Variants in CDC40 observed in about 807,000 individuals in gnomAD.
CDC40 encodes the protein pre-mRNA-processing factor 17.
Under a neutral mutation model 80.6 loss-of-function variants are expected in CDC40, and 27 were observed. The ratio of observed to expected loss-of-function variants is 0.33; its 90% CI spans 0.25 to 0.46. The LOEUF is 0.46. Among genes scored for constraint, CDC40 ranks in the 20% least tolerant of loss-of-function variants. The probability of loss-of-function intolerance (pLI) is 1.00; values close to 1 mark genes in which losing one functional copy is unlikely to be tolerated. For synonymous variants in CDC40, 221 were observed against 232.6 expected (o/e 0.95, Z 0.45); for missense variants, 486 against 694.1 (o/e 0.70, Z 3.37).
At chr6:110,196,658 A>G (rs1777422689) in intron 2 of CDC40, among the ~76,000 whole-genome samples, 1 of 152,186 alleles carries the variant, frequency 6.6e-6, no homozygotes, top group Non-Finnish European at 1.5e-5. Context: ...TATTAATGTT[A>G]TGATGAACTT....
intron 3 of CDC40, among the ~76,000 whole-genome samples, chr6:110,203,921 A>G (rs1336524547): frequency 6.6e-6 from 1 of 152,230 alleles, no homozygotes; most frequent in Non-Finnish European, 1.5e-5. Flanking sequence ...CCACCTACAG[A>G]AGTGGAAAAT....
At chr6:110,224,332 G>A (rs1291485428) in intron 12 of CDC40, 2 of 151,962 alleles carry the variant, frequency 1.3e-5, no homozygotes, top group Non-Finnish European at 2.9e-5. Flanking sequence ...TGAGTTACTA[G>A]CTTATTATAC....
intron 3 of CDC40, among the ~76,000 whole-genome samples, chr6:110,207,273 C>A (rs1777575453): frequency 1.3e-5 from 2 of 148,798 alleles, no homozygotes; most frequent in South Asian, 2.1e-4. Context: ...CGAGATTACA[C>A]CACTGCACTC....
At chr6:110,185,451 C>T (rs1009434589) in intron 1 of CDC40, among the ~76,000 whole-genome samples, 1 of 151,378 alleles carries the variant, frequency 6.6e-6, no homozygotes, top group African/African-American at 2.4e-5. Flanking sequence ...ACCGTTTTAG[C>T]CGGGATGGTC....
At chr6:110,203,763 T>C (rs1487571073) in intron 3 of CDC40, among the ~76,000 whole-genome samples, 1 of 152,138 alleles carries the variant, frequency 6.6e-6, no homozygotes, top group Non-Finnish European at 1.5e-5. Flanking sequence ...TTAGCTTGCA[T>C]TTATGGTATT....
At chr6:110,187,353 G>C (rs79581219) in intron 1 of CDC40, among the ~76,000 whole-genome samples, 12,952 of 152,156 alleles carry the variant, frequency 0.085, 857 homozygotes, top group African/African-American at 0.19. Flanking sequence ...TACTTCCCCC[G>C]AATGTATTCT....
At chr6:110,186,773 T>C (rs1777276288) in intron 1 of CDC40, among the ~76,000 whole-genome samples, 1 of 152,146 alleles carries the variant, frequency 6.6e-6, no homozygotes, top group South Asian at 2.1e-4. Context: ...CATGTGTAGA[T>C]TTCTTTTTAT....
intron 13 of CDC40, among the ~76,000 whole-genome samples, chr6:110,227,989 T>C (rs1777887927): frequency 6.6e-6 from 1 of 152,134 alleles, no homozygotes; most frequent in Non-Finnish European, 1.5e-5. Context: ...GTTAGGTGAT[T>C]TTGTCATTTT....
intron 1 of CDC40, among the ~76,000 whole-genome samples, chr6:110,186,700 T>C (rs1203578637): frequency 2.0e-5 from 3 of 152,210 alleles, no homozygotes; most frequent in Admixed American, 6.5e-5. Context: ...TTGACACCTT[T>C]TAAGACCCGC....
chr6:110,229,020 T>A, intron 14 of CDC40, 44 bp downstream of exon 14: 1 of 1,455,086 alleles, frequency 6.9e-7, no homozygotes, highest in South Asian at 1.3e-5. Flanking sequence ...CAAATATGAT[T>A]ATATAAACTG....
intron 2 of CDC40, among the ~76,000 whole-genome samples, chr6:110,197,961 A>G (rs1289994261): frequency 6.6e-6 from 1 of 152,032 alleles, no homozygotes; most frequent in African/African-American, 2.4e-5. Context: ...TAATTTTTTG[A>G]GGAGCCTCCA....
chr6:110,212,568 A>G (rs959012988), intron 7 of CDC40, among the ~76,000 whole-genome samples: 1 of 152,202 alleles, frequency 6.6e-6, no homozygotes, highest in African/African-American at 2.4e-5. Flanking sequence ...TTTGGGCACC[A>G]AATCAGTGAG....
At chr6:110,229,294 A>G (rs2114676093) in intron 14 of CDC40, among the ~76,000 whole-genome samples, 1 of 152,304 alleles carries the variant, frequency 6.6e-6, no homozygotes, top group African/African-American at 2.4e-5. Flanking sequence ...AAGTGCTATA[A>G]TCACTGTATT....
intron 8 of CDC40, among the ~76,000 whole-genome samples, chr6:110,213,563 C>T (rs1386443923): frequency 6.6e-6 from 1 of 151,784 alleles, no homozygotes; most frequent in Admixed American, 6.6e-5. Flanking sequence ...CCTTTTTAAG[C>T]TTAGACAACT....
chr6:110,207,541 G>A lies in CDC40; in HGVS notation c.442G>A (p.Val148Met), dbSNP rs145261182. Residue 148 changes from valine (V) to methionine (M), a missense_variant, in exon 4 of 15, where the codon GTG becomes ATG. By Grantham distance (21) the Val-to-Met change is conservative. This residue lies in a region of CDC40 where 381 missense variants were observed against 492.1 expected (regional missense o/e 0.77). Transcript: ENST00000307731. ...AGACCCTTCATTAGATAATCATCAA[G>A]TGTCTGCTAAATATATTGGTTCTGT... ...ALDPSLDNHQVSAKYIGSVEE... is the reference protein window; with the variant it reads ...ALDPSLDNHQMSAKYIGSVEE... The A allele has an allele frequency of 4.4e-6, 7 of 1,605,146 alleles. No homozygotes were observed. Among genetic ancestry groups the A allele is most frequent in the Non-Finnish European group, 6.0e-6 (7 of 1,172,706 alleles).
intron 5 of CDC40, among the ~76,000 whole-genome samples, chr6:110,210,360 G>A (rs1276294410): frequency 6.6e-6 from 1 of 151,144 alleles, no homozygotes; most frequent in Non-Finnish European, 1.5e-5. Context: ...GACCAGCCTG[G>A]GCAACACAGT....
At chr6:110,180,663 G>T in intron 1 of CDC40, 30 bp downstream of exon 1, 1 of 1,547,084 alleles carries the variant, frequency 6.5e-7, no homozygotes, top group Non-Finnish European at 8.9e-7. Flanking sequence ...ATGCAGTGTG[G>T]GAATTGTTGG....
intron 5 of CDC40, among the ~76,000 whole-genome samples, chr6:110,210,382 TCTACTAAAACAG>T (rs1777621566): frequency 6.7e-6 from 1 of 149,810 alleles, no homozygotes; most frequent in South Asian, 2.1e-4. Context: ...AAACCCTGTC[TCTACTAAAACAG>T]AAAAAATTAG....
intron 2 of CDC40, among the ~76,000 whole-genome samples, chr6:110,196,449 C>T (rs926392566): frequency 1.1e-4 from 16 of 152,110 alleles, no homozygotes; most frequent in African/African-American, 3.6e-4. Flanking sequence ...GTAATTTCTT[C>T]ATTTCACTCA....
Sources: gnomAD v4.1 joint callset for allele counts (sites outside exome capture counted in the v4.1 genomes callset) on GRCh38, gnomAD v4.1.1 for gene constraint, gnomAD v4.1.1 regional missense constraint, MANE v1.5 for transcripts, NCBI Gene and HGNC (gene_info 2026-07-23, HGNC 2026-07-21) for gene names.